Variants in PRSS23 observed in about 807,000 individuals in gnomAD.
PRSS23 encodes the protein serine protease 23.
PRSS23 carries 25 observed loss-of-function variants against 34.7 expected under a neutral mutation model. The observed-to-expected ratio is 0.72, with a 90% CI of 0.53 to 1.01. The LOEUF (loss-of-function observed/expected upper bound fraction) is 1.01. Ranked by LOEUF, PRSS23 falls within the 50% of genes least tolerant of loss-of-function variation. PRSS23 has a pLI of 0.00. For missense variants in PRSS23, 445 were observed against 475.6 expected, an observed-to-expected ratio of 0.94 and a Z score of 0.60; for synonymous variants, 176 against 186.6, an observed-to-expected ratio of 0.94 and a Z score of 0.46.
chr11:86,895,906 C>T (rs986307378), intron 2 of PRSS23, among the ~76,000 whole-genome samples: 17 of 152,298 alleles, frequency 1.1e-4, no homozygotes, highest in Middle Eastern at 6.8e-3. Context: ...TGCATCTGAT[C>T]AGTCCATCCA....
chr11:86,861,209 TATG>T (rs1202594546), intron 2 of PRSS23, among the ~76,000 whole-genome samples: 2 of 147,624 alleles, frequency 1.4e-5, no homozygotes, highest in African/African-American at 5.1e-5. Context: ...CCTCCTGTGA[TATG>T]ATCCGTAATA....
intron 2 of PRSS23, among the ~76,000 whole-genome samples, chr11:86,896,977 A>C (rs1948881081): frequency 6.6e-6 from 1 of 152,256 alleles, no homozygotes; most frequent in South Asian, 2.1e-4. Context: ...AAGCCCCAGC[A>C]GGGCCGCTTT....
chr11:86,885,412 G>A (rs1948796376), intron 2 of PRSS23, among the ~76,000 whole-genome samples: 1 of 152,232 alleles, frequency 6.6e-6, no homozygotes, highest in African/African-American at 2.4e-5. Context: ...TTGTTAACTT[G>A]GCTAGGACAC....
chr11:86,879,475 G>A (rs1948753448), intron 2 of PRSS23, among the ~76,000 whole-genome samples: 2 of 127,794 alleles, frequency 1.6e-5, no homozygotes, highest in African/African-American at 5.8e-5. Context: ...CGCCAGGCCA[G>A]CCGCCCCGTC....
intron 2 of PRSS23, among the ~76,000 whole-genome samples, chr11:86,880,329 G>C (rs1470158358): frequency 6.7e-6 from 1 of 150,326 alleles, no homozygotes; most frequent in African/African-American, 2.5e-5. Flanking sequence ...AGGGTCCTCT[G>C]CATAGGAAAA....
chr11:86,858,574 A>T (rs1234090534), intron 2 of PRSS23, among the ~76,000 whole-genome samples: 1 of 150,844 alleles, frequency 6.6e-6, no homozygotes, highest in Non-Finnish European at 1.5e-5. Flanking sequence ...CAGGTGTACA[A>T]CTCCCTATAT....
rs867606639 is a variant in PRSS23, at chr11:86,824,586, A to C, written c.206+993A>C. Among the ~76,000 whole-genome samples, 174 of 148,292 alleles carry C rather than the reference A, an allele frequency of 1.2e-3. 1 individual carries two copies. The highest frequency in any genetic ancestry group is 4.1e-3 in the African/African-American group (166 of 40,422). On this transcript the variant is annotated intron_variant, in intron 2 of 2. Coordinates refer to the PRSS23 transcript ENST00000533902. ...GCTGGTGTGCTGCACCCATTAACTCATCATTTAGCATTAGGTATATCTCCT... is the reference window on the plus strand; with the variant it reads ...GCTGGTGTGCTGCACCCATTAACTCCTCATTTAGCATTAGGTATATCTCCT...
chr11:86,887,606 A>G (rs1948811586), intron 2 of PRSS23, among the ~76,000 whole-genome samples: 1 of 152,192 alleles, frequency 6.6e-6, no homozygotes, highest in African/African-American at 2.4e-5. Flanking sequence ...AAAGAATATT[A>G]TAACTGTCCC....
chr11:86,901,928 G>GA (rs1220770583), intron 2 of PRSS23, among the ~76,000 whole-genome samples: 1 of 152,102 alleles, frequency 6.6e-6, no homozygotes, highest in Admixed American at 6.5e-5. Flanking sequence ...ACTTCTGGGG[G>GA]AAAATAGATA....
chr11:86,859,478 C>G (rs77705772), intron 2 of PRSS23, among the ~76,000 whole-genome samples: 2,423 of 152,066 alleles, frequency 0.016, 63 homozygotes, highest in African/African-American at 0.055. Context: ...TATACCTACC[C>G]TGTGATACTG....
intron 2 of PRSS23, among the ~76,000 whole-genome samples, chr11:86,849,664 A>C (rs1215235211): frequency 6.6e-6 from 1 of 152,178 alleles, no homozygotes; most frequent in African/African-American, 2.4e-5. Context: ...AATTACAAAA[A>C]CCAAATAGTC....
At chr11:86,853,043 GAGCTTTCACCAT>G (rs1948541963) in intron 2 of PRSS23, among the ~76,000 whole-genome samples, 1 of 151,068 alleles carries the variant, frequency 6.6e-6, no homozygotes. Context: ...TAATAGAGAC[GAGCTTTCACCAT>G]ATTGGCCAGG....
chr11:86,829,990 C>A (rs1221693287), intron 2 of PRSS23, among the ~76,000 whole-genome samples: 1 of 152,166 alleles, frequency 6.6e-6, no homozygotes, highest in South Asian at 2.1e-4. Flanking sequence ...TCTCCAGCTG[C>A]GTGCTGGGAG....
intron 2 of PRSS23, among the ~76,000 whole-genome samples, chr11:86,846,378 A>C (rs1424651710): frequency 6.6e-6 from 1 of 152,108 alleles, no homozygotes; most frequent in Admixed American, 6.6e-5. Context: ...AGCCACTTAA[A>C]GGTGATTAGT....
At chr11:86,911,886 T>A (rs1948980787) in intron 2 of PRSS23, 1 of 152,264 alleles carries the variant, frequency 6.6e-6, no homozygotes, top group African/African-American at 2.4e-5. Context: ...ATCCTCCCAC[T>A]TCAGTAGCTC....
At chr11:86,798,315 C>T (rs1947994985), upstream of PRSS23, among the ~76,000 whole-genome samples, 1 of 152,232 alleles carries the variant, frequency 6.6e-6, no homozygotes. Flanking sequence ...GTGTACTAGT[C>T]TTTGGCAGCA....
chr11:86,933,297 G>C (rs1195127820), intron 2 of PRSS23: 1 of 152,074 alleles, frequency 6.6e-6, no homozygotes, highest in East Asian at 1.9e-4. Flanking sequence ...ATGTTCTCTA[G>C]AGTCTGTTTT....
chr11:86,902,184 T>A (rs1479265378), intron 2 of PRSS23, among the ~76,000 whole-genome samples: 1 of 152,168 alleles, frequency 6.6e-6, no homozygotes, highest in Non-Finnish European at 1.5e-5. Context: ...TTAGGAAGAT[T>A]ATGTACTTAT....
Position 86,810,866 on chromosome 11 carries a change from T to C in PRSS23, c.*2071T>C, listed in dbSNP as rs946482717. The C allele has an allele frequency of 1.2e-5, 2 of 166,986 alleles. No individual in the cohort carries two copies. The highest frequency in any genetic ancestry group is 1.3e-4 in the Admixed American group (2 of 15,284). 10.3% of individuals were successfully genotyped at this position (166,986 alleles called of 1,614,324 possible). On this transcript the variant is annotated 3_prime_UTR_variant, in exon 2 of 2. Coordinates refer to ENST00000280258, the MANE Select transcript of PRSS23 (RefSeq NM_007173.6). The stretch of plus-strand genomic sequence containing the variant: ...TTCAACATGTCCATCTTTTTAGTGA[T>C]AATAAAAGAAAGCATGGTATTAAAC...
Sources: gnomAD v4.1 joint callset for allele counts (sites outside exome capture counted in the v4.1 genomes callset) on GRCh38, gnomAD v4.1.1 for gene constraint, MANE v1.5 for transcripts, NCBI Gene and HGNC (gene_info 2026-07-23, HGNC 2026-07-21) for gene names.